The following BAIAP2 variants were observed in gnomAD, a reference collection of about 807,000 sequenced individuals.
BAIAP2 encodes BAR/IMD domain-containing adapter protein 2.
BAIAP2 carries 18 observed loss-of-function variants against 63.0 expected under a neutral mutation model. The ratio of observed to expected loss-of-function variants is 0.29; its 90% CI spans 0.20 to 0.42. The LOEUF is 0.42. Ranked by LOEUF, BAIAP2 falls within the 10% of genes least tolerant of loss-of-function variation. BAIAP2 has a pLI of 1.00. For missense variants in BAIAP2, 610 were observed against 734.3 expected, an observed-to-expected ratio of 0.83 and a Z score of 1.96; for synonymous variants, 386 against 307.6, an observed-to-expected ratio of 1.25 and a Z score of -2.67.
rs2055360768 is a variant in BAIAP2 at position 81,085,210 on chromosome 17, CT to C, written c.279+318del. ...CACAAGGTTGCAAGGCACACTTCCC[CT>C]GGCCTCTCCGACTGTAGGCAGAGGC... is the stretch of plus-strand genomic sequence containing the variant. On this transcript the variant is annotated intron_variant, in intron 4 of 13. Coordinates refer to ENST00000428708, the MANE Select transcript of BAIAP2 (RefSeq NM_001144888.2). 4 of 514,548 alleles carry C rather than the reference CT, an allele frequency of 7.8e-6. No homozygotes were observed. The Admixed American group carries it at 1.3e-4, about 17-fold the overall frequency. 31.9% of individuals were successfully genotyped at this position (514,548 alleles called of 1,614,324 possible).
chr17:81,039,180 C>T (rs2046744808), intron 1 of BAIAP2, among the ~76,000 whole-genome samples: 1 of 152,202 alleles, frequency 6.6e-6, no homozygotes, highest in Non-Finnish European at 1.5e-5. Flanking sequence ...GGCACGTCTC[C>T]CAGGAGCAGT....
intron 3 of BAIAP2, chr17:81,076,349 G>A (rs1238497985): frequency 3.9e-5 from 6 of 152,202 alleles, no homozygotes; most frequent in African/African-American, 1.2e-4. Flanking sequence ...CGGAGGCCCC[G>A]TCTAGGTTGT....
In BAIAP2 at chr17:81,052,640, C is replaced by T. The variant is rs370366960; in HGVS notation, c.55-1028C>T. The stretch of plus-strand genomic sequence containing the variant: ...TAGCGGGTTTTCTGGAGGCAGGTCC[C>T]GTGGTGGGGAGTGGCTTCCTTGTCC... On this transcript the variant is annotated intron_variant, in intron 1 of 13. Transcript: ENST00000428708. Among the ~76,000 whole-genome samples, 21 of 152,328 alleles carry T rather than the reference C, an allele frequency of 1.4e-4. No homozygotes were observed. In the East Asian group the frequency reaches 3.1e-3, roughly 22 times the overall value.
chr17:81,089,211 T>A (rs973156045), intron 6 of BAIAP2, among the ~76,000 whole-genome samples: 7 of 152,232 alleles, frequency 4.6e-5, no homozygotes, highest in African/African-American at 1.7e-4. Flanking sequence ...CTGGCACTTT[T>A]GAGGTCTGTT....
At chr17:81,107,028 G>T (rs2059266784) in intron 12 of BAIAP2, 121 bp downstream of exon 12, 3 of 1,203,580 alleles carry the variant, frequency 2.5e-6, no homozygotes, top group Middle Eastern at 2.9e-4. Flanking sequence ...TCTTTGGACA[G>T]CCCTGGGGTG....
chr17:81,039,763 C>T (rs1028937770), intron 1 of BAIAP2, among the ~76,000 whole-genome samples: 43 of 152,276 alleles, frequency 2.8e-4, no homozygotes, highest in African/African-American at 1.0e-3. Context: ...GGGCCAAGAC[C>T]TGTCTGCTGG....
intron 3 of BAIAP2, among the ~76,000 whole-genome samples, chr17:81,073,247 C>T (rs1192960593): frequency 2.0e-5 from 3 of 152,168 alleles, no homozygotes; most frequent in African/African-American, 7.2e-5. Context: ...TCCCAGCTTC[C>T]TGTGCAGTCT....
intron 5 of BAIAP2, 56 bp downstream of exon 5, chr17:81,085,781 A>G (rs966370806): frequency 1.4e-6 from 2 of 1,395,756 alleles, no homozygotes; most frequent in African/African-American, 2.8e-5. Context: ...CGGCTCTCCC[A>G]AATGCCTGCC....
chr17:81,095,933 C>G (rs1230878904), intron 6 of BAIAP2, among the ~76,000 whole-genome samples: 2 of 152,268 alleles, frequency 1.3e-5, no homozygotes, highest in East Asian at 3.9e-4. Flanking sequence ...CCCTGGGGAA[C>G]TGAGCATGAG....
At chr17:81,068,023 G>T (rs1387781199) in intron 3 of BAIAP2, among the ~76,000 whole-genome samples, 2 of 152,258 alleles carry the variant, frequency 1.3e-5, no homozygotes, top group African/African-American at 4.8e-5. Context: ...GGGGGCACAG[G>T]TGCCGGCTCA....
chr17:81,061,919 G>A (rs1487743895), intron 3 of BAIAP2, among the ~76,000 whole-genome samples: 1 of 152,124 alleles, frequency 6.6e-6, no homozygotes, highest in Non-Finnish European at 1.5e-5. Flanking sequence ...CTTTCAGTCT[G>A]GTGGGCCTTT....
At position 81,088,209 on chromosome 17, in the gene BAIAP2, C is replaced by T. The variant is rs755639650; in HGVS notation, c.489+1629C>T. Among the ~76,000 whole-genome samples the T allele has an allele frequency of 3.0e-4, 45 of 152,188 alleles. No homozygotes were observed. The Middle Eastern group carries it at 0.01, about 35-fold the overall frequency. ...GCAGGTGTGAGCCAGCCCTGAGCAC[C>T]GAGGCCAGGTGTGAGAGCTTGTCTT... is the stretch of plus-strand genomic sequence containing the variant. On this transcript the variant is annotated intron_variant, in intron 6 of 13. Coordinates refer to ENST00000428708, the MANE Select transcript of BAIAP2 (RefSeq NM_001144888.2).
intron 8 of BAIAP2, 41 bp from the exon 9 acceptor site, chr17:81,103,866 G>C: frequency 6.2e-7 from 1 of 1,608,678 alleles, no homozygotes; most frequent in South Asian, 1.1e-5. Context: ...CTTGCCCGGG[G>C]TGGGCTCCAG....
At chr17:81,051,962 T>A (rs1456076630) in intron 1 of BAIAP2, among the ~76,000 whole-genome samples, 2 of 152,224 alleles carry the variant, frequency 1.3e-5, no homozygotes, top group African/African-American at 2.4e-5. Context: ...AATGCTGGGA[T>A]TATACGTGCG....
At chr17:81,051,331 G>T (rs2144029223) in intron 1 of BAIAP2, among the ~76,000 whole-genome samples, 1 of 152,304 alleles carries the variant, frequency 6.6e-6, no homozygotes, top group South Asian at 2.1e-4. Context: ...ATACGCCAGG[G>T]CCCTTGGCTA....
At chr17:81,088,196 C>T (rs1295990299) in intron 6 of BAIAP2, among the ~76,000 whole-genome samples, 2 of 152,088 alleles carry the variant, frequency 1.3e-5, no homozygotes, top group East Asian at 1.9e-4. Context: ...AGGTGTGAGC[C>T]AGCCCTGAGC....
intron 13 of BAIAP2, among the ~76,000 whole-genome samples, chr17:81,111,121 C>T (rs2059878601): frequency 1.3e-5 from 2 of 152,186 alleles, no homozygotes; most frequent in African/African-American, 2.4e-5. Flanking sequence ...GCCTTCTCTA[C>T]TGGGTCCCCT....
At chr17:81,036,400 C>T (rs532421066) in intron 1 of BAIAP2, among the ~76,000 whole-genome samples, 12 of 152,352 alleles carry the variant, frequency 7.9e-5, no homozygotes, top group Non-Finnish European at 8.8e-5. Flanking sequence ...GCACCCTGCC[C>T]GGCAGAGTAA....
At position 81,062,251 on chromosome 17, in the gene BAIAP2, C is replaced by G. The variant is rs1209178224; in HGVS notation, c.217+4284C>G. On this transcript the variant is annotated intron_variant, in intron 3 of 13. Coordinates refer to ENST00000428708, the MANE Select transcript of BAIAP2 (RefSeq NM_001144888.2). The stretch of plus-strand genomic sequence containing the variant: ...CAGGCATGAGCCATCGCACCCAGAT[C>G]TGTAATAGTGTTTTTAGAACAAAAG... 2.0e-5 allele frequency among the ~76,000 whole-genome samples: 3 copies of G among 151,880 alleles called. No individual in the cohort carries two copies. The South Asian group carries it at 6.2e-4, about 31-fold the overall frequency.
Sources: gnomAD v4.1 joint callset for allele counts (sites outside exome capture counted in the v4.1 genomes callset) on GRCh38, gnomAD v4.1.1 for gene constraint, MANE v1.5 for transcripts, NCBI Gene and HGNC (gene_info 2026-07-23, HGNC 2026-07-21) for gene names.